FAAH2: variants seen among roughly 807,000 people sequenced by gnomAD.
The protein encoded by FAAH2 is fatty acid amide hydrolase 2.
In FAAH2, 60 loss-of-function variants were observed where a neutral mutation model predicts 36.9. The ratio of observed to expected loss-of-function variants is 1.63; its 90% CI spans 1.32 to 2.02. FAAH2 has a LOEUF of 2.02. Ranked by LOEUF, FAAH2 falls within the 30% of genes most tolerant of loss-of-function variation. The probability of loss-of-function intolerance (pLI) is 0.00; values close to 1 mark genes in which losing one functional copy is unlikely to be tolerated. For synonymous variants in FAAH2, 214 were observed against 143.8 expected, an observed-to-expected ratio of 1.49 and a Z score of -3.49; for missense variants, 689 against 397.5, an observed-to-expected ratio of 1.73 and a Z score of -6.23.
At chrX:57,227,829 G>T in the FAAH2 span, among the ~76,000 whole-genome samples, 2 of 111,594 alleles carry the variant, frequency 1.8e-5, no homozygotes, top group Non-Finnish European at 3.8e-5. Flanking sequence ...TGGCTGCAGT[G>T]GTGGATGGGG....
At chrX:57,465,121 C>T (rs1351273341) in intron 10 of FAAH2, among the ~76,000 whole-genome samples, 1 of 111,252 alleles carries the variant, frequency 9.0e-6, no homozygotes, top group East Asian at 2.8e-4. Flanking sequence ...ACTAGAGGAG[C>T]TCAACATTAT....
At chrX:57,323,703 T>TG (rs2053111710) in intron 3 of FAAH2, among the ~76,000 whole-genome samples, 1 of 54,618 alleles carries the variant, frequency 1.8e-5, no homozygotes, top group Admixed American at 2.0e-4. Flanking sequence ...TTTTTTTTTG[T>TG]AAACTTGTTT....
intron 7 of FAAH2, among the ~76,000 whole-genome samples, chrX:57,400,833 T>G (rs2147300209): frequency 8.9e-6 from 1 of 112,372 alleles, no homozygotes; most frequent in East Asian, 2.8e-4. Flanking sequence ...TTAAGAACAC[T>G]TGGGTGGGGC....
upstream of FAAH2, among the ~76,000 whole-genome samples, chrX:57,281,921 A>G (rs2051758314): frequency 8.9e-6 from 1 of 112,155 alleles, no homozygotes; most frequent in South Asian, 3.7e-4. Flanking sequence ...ATGGCTGTGT[A>G]GTATTCCATG....
chrX:57,316,437 T>C (rs975212687), intron 3 of FAAH2, among the ~76,000 whole-genome samples: 2 of 110,891 alleles, frequency 1.8e-5, no homozygotes, highest in Non-Finnish European at 3.8e-5. Flanking sequence ...CCTAAGCAAA[T>C]AGAAGCAGAG....
the FAAH2 span, among the ~76,000 whole-genome samples, chrX:57,222,714 G>A: frequency 8.9e-6 from 1 of 111,766 alleles, no homozygotes; most frequent in Admixed American, 9.5e-5. Flanking sequence ...ACCAGCTCCC[G>A]TCTAAACACA....
intron 8 of FAAH2, among the ~76,000 whole-genome samples, chrX:57,446,277 T>C (rs1417889875): frequency 1.8e-5 from 2 of 112,094 alleles, no homozygotes; most frequent in African/African-American, 6.5e-5. Flanking sequence ...AAACCAGTTA[T>C]TGTGATTGCT....
intron 10 of FAAH2, among the ~76,000 whole-genome samples, chrX:57,486,142 T>G (rs1344691931): frequency 1.8e-5 from 2 of 112,037 alleles, no homozygotes; most frequent in Non-Finnish European, 1.9e-5. Context: ...ACAGTACTGC[T>G]GTTTGGAATC....
the FAAH2 span, among the ~76,000 whole-genome samples, chrX:57,267,563 C>T: frequency 8.9e-6 from 1 of 112,325 alleles, no homozygotes; most frequent in South Asian, 3.7e-4. Context: ...GCCTCCACCA[C>T]TATGGTGAAT....
chrX:57,476,717 G>A (rs1203778652), intron 10 of FAAH2, among the ~76,000 whole-genome samples: 2 of 111,523 alleles, frequency 1.8e-5, no homozygotes, highest in Non-Finnish European at 3.8e-5. Context: ...CATTAAGGAG[G>A]AGGCCTTCTT....
intron 7 of FAAH2, among the ~76,000 whole-genome samples, chrX:57,419,014 A>C (rs2055929400): frequency 9.5e-6 from 1 of 105,443 alleles, no homozygotes; most frequent in Non-Finnish European, 1.9e-5. Context: ...GATGATTTCC[A>C]ATTTCATCCA....
the FAAH2 span, among the ~76,000 whole-genome samples, chrX:57,224,850 T>A: frequency 3.6e-5 from 4 of 112,260 alleles, no homozygotes; most frequent in African/African-American, 1.3e-4. Context: ...TTCAAACTGA[T>A]ACAAGAACCT....
chrX:57,339,044 T>A (rs971801573), intron 4 of FAAH2, among the ~76,000 whole-genome samples: 1 of 111,634 alleles, frequency 9.0e-6, no homozygotes, highest in Non-Finnish European at 1.9e-5. Flanking sequence ...CAAAACAGCA[T>A]GGTACTGGTA....
the FAAH2 span, among the ~76,000 whole-genome samples, chrX:57,258,709 C>CTT: frequency 1.6e-4 from 14 of 87,818 alleles, no homozygotes; most frequent in African/African-American, 5.1e-4. Context: ...TTTTTGTTGC[C>CTT]TTTTTTTTTT....
chrX:57,242,443 A>G, the FAAH2 span, among the ~76,000 whole-genome samples: 1 of 112,378 alleles, frequency 8.9e-6, no homozygotes, highest in Non-Finnish European at 1.9e-5. Context: ...CCCCATTTAA[A>G]AAAACCCATC....
chrX:57,462,746 C>T (rs1056994862), intron 10 of FAAH2, among the ~76,000 whole-genome samples: 3 of 112,521 alleles, frequency 2.7e-5, no homozygotes, highest in African/African-American at 9.7e-5. Flanking sequence ...TAACAACCAA[C>T]ACAAGACAAG....
chrX:57,395,538 A>G, intron 7 of FAAH2: 1 of 308,269 alleles, frequency 3.2e-6, no homozygotes, highest in Non-Finnish European at 5.8e-6. Context: ...GGCTTTTATT[A>G]ATTTGAGGTA....
the FAAH2 span, among the ~76,000 whole-genome samples, chrX:57,122,436 T>A: frequency 8.9e-6 from 1 of 111,995 alleles, no homozygotes; most frequent in Non-Finnish European, 1.9e-5. Flanking sequence ...ATTTCCACAA[T>A]AACCAGTAAT....
chrX:57,188,686 G>A, the FAAH2 span, among the ~76,000 whole-genome samples: 1,092 of 110,577 alleles, frequency 9.9e-3, 16 homozygotes, highest in Non-Finnish European at 0.015. Context: ...TCTCTTGTGG[G>A]CATTTAGTGC....
Sources: allele counts gnomAD v4.1 joint callset (sites outside exome capture counted in the v4.1 genomes callset), GRCh38; gene constraint gnomAD v4.1.1; transcripts MANE v1.5; gene names NCBI Gene and HGNC (gene_info 2026-07-23, HGNC 2026-07-21).